Variants in RSU1 observed in about 807,000 individuals in gnomAD.
The protein encoded by RSU1 is rsu-1.
A neutral mutation model predicts 31.1 loss-of-function variants in RSU1; 26 were observed. The ratio of observed to expected loss-of-function variants is 0.84; its 90% CI spans 0.61 to 1.16. The LOEUF is 1.16. RSU1 is among the 50% of genes most tolerant of loss of function. RSU1 has a pLI of 0.00. For synonymous variants in RSU1, 164 were observed against 136.3 expected, an observed-to-expected ratio of 1.20 and a Z score of -1.41; for missense variants, 320 against 339.1, an observed-to-expected ratio of 0.94 and a Z score of 0.44.
At chr10:16,697,041 C>T (rs1021792535) in intron 7 of RSU1, among the ~76,000 whole-genome samples, 1 of 151,720 alleles carries the variant, frequency 6.6e-6, no homozygotes, top group African/African-American at 2.4e-5. Context: ...ATATACATTC[C>T]TGGAAAGAAG....
rs370761048 is a variant in RSU1, at chr10:16,764,494, G to A, written c.177C>T (p.Ile59=). The A allele has an allele frequency of 4.3e-6, 7 of 1,613,562 alleles. No individual in the cohort carries two copies. Among genetic ancestry groups the A allele is most frequent in the African/African-American group, 1.3e-5 (1 of 75,002 alleles). Residue 59 remains isoleucine (I), a synonymous_variant, in exon 4 of 9, where the codon ATC becomes ATT. Coordinates refer to ENST00000345264, the MANE Select transcript of RSU1 (RefSeq NM_012425.4). The part of the protein sequence containing the change: ...HNKLTMVPPN[I]AELKNLEVLN... The stretch of plus-strand genomic sequence containing the variant: ...GCACCTCCAAATTCTTCAGTTCTGC[G>A]ATGTTCGGTGGCACCACTATGGAAA...
At chr10:16,681,204 T>G (rs952721357) in intron 8 of RSU1, among the ~76,000 whole-genome samples, 1 of 152,212 alleles carries the variant, frequency 6.6e-6, no homozygotes, top group Non-Finnish European at 1.5e-5. Flanking sequence ...CCATCTTAAA[T>G]GATCCTTTAC....
chr10:16,642,789 A>C (rs546328739), intron 8 of RSU1, among the ~76,000 whole-genome samples: 2 of 152,338 alleles, frequency 1.3e-5, no homozygotes, highest in African/African-American at 4.8e-5. Flanking sequence ...GAATTTATGC[A>C]TACTTCTTCG....
At chr10:16,755,752 C>T (rs1837072031) in intron 4 of RSU1, among the ~76,000 whole-genome samples, 2 of 152,158 alleles carry the variant, frequency 1.3e-5, no homozygotes, top group South Asian at 2.1e-4. Context: ...TCTGCAATTC[C>T]CCTCTCCCTC....
At chr10:16,677,009 C>G (rs532008070) in intron 8 of RSU1, among the ~76,000 whole-genome samples, 1 of 152,074 alleles carries the variant, frequency 6.6e-6, no homozygotes, top group Non-Finnish European at 1.5e-5. Context: ...GCCTGCAACC[C>G]TAGTATGAGG....
At position 16,785,427 on chromosome 10, in the gene RSU1, C is replaced by CAT. The variant is rs371719149; in HGVS notation, c.110-3345_110-3344dup. Among the ~76,000 whole-genome samples the CAT allele has an allele frequency of 1.1e-3, 97 of 90,516 alleles. 3 individuals carry two copies. The highest frequency in any genetic ancestry group is 0.01 in the Middle Eastern group (2 of 194). 59.4% of individuals were successfully genotyped at this position (90,516 alleles called of 152,430 possible). ...CTTTCTATATATATATACATATATA[C>CAT]ATATATATATATACACATATATACA... On this transcript the variant is annotated intron_variant, in intron 2 of 8. Coordinates refer to ENST00000345264, the MANE Select transcript of RSU1 (RefSeq NM_012425.4).
At chr10:16,681,514 G>T (rs770574222) in intron 8 of RSU1, among the ~76,000 whole-genome samples, 16 of 152,030 alleles carry the variant, frequency 1.1e-4, no homozygotes, top group Non-Finnish European at 5.9e-5. Flanking sequence ...TAAAAAAATC[G>T]ATAAAGCAAA....
intron 7 of RSU1, among the ~76,000 whole-genome samples, chr10:16,706,563 A>G (rs891763804): frequency 6.6e-5 from 10 of 152,182 alleles, no homozygotes; most frequent in Non-Finnish European, 1.2e-4. Flanking sequence ...GTCTTTTTAG[A>G]AAAAATAATT....
Position 16,685,150 on chromosome 10 carries a change from C to T in RSU1, c.731+9873G>A, listed in dbSNP as rs193173293. 2.5e-3 allele frequency among the ~76,000 whole-genome samples: 380 copies of T among 152,114 alleles called. 1 individual carries two copies. Among genetic ancestry groups the T allele is most frequent in the Non-Finnish European group, 4.7e-3 (322 of 67,998 alleles). ...CTGTAACCCCAGGTACTCGGGAGAC[C>T]GAGGCAAGAGAATCGCTTGAACCTG... On this transcript the variant is annotated intron_variant, in intron 8 of 8. Coordinates refer to ENST00000345264, the MANE Select transcript of RSU1 (RefSeq NM_012425.4).
intron 7 of RSU1, among the ~76,000 whole-genome samples, chr10:16,708,311 A>G (rs995505558): frequency 1.1e-4 from 16 of 152,126 alleles, no homozygotes; most frequent in Admixed American, 6.6e-4. Context: ...GAGTAAATAT[A>G]TTTATTATTT....
chr10:16,804,573 T>C (rs906751658), intron 2 of RSU1, among the ~76,000 whole-genome samples: 3 of 152,180 alleles, frequency 2.0e-5, no homozygotes, highest in African/African-American at 4.8e-5. Context: ...CAAAATATCA[T>C]CCAATAGGTG....
Position 16,675,067 on chromosome 10 carries a change from C to A in RSU1, c.731+19956G>T, listed in dbSNP as rs549417051. Among the ~76,000 whole-genome samples, 39 of 151,296 alleles carry A rather than the reference C, an allele frequency of 2.6e-4. 1 individual carries two copies. The highest frequency in any genetic ancestry group is 5.0e-4 in the Non-Finnish European group (34 of 67,788). ...TAAATAAAAATAAAAATTAGCTAGG[C>A]ATGGTGGTACATACTGTAACCCCAG... On this transcript the variant is annotated intron_variant, in intron 8 of 8. Transcript: ENST00000345264.
intron 3 of RSU1, among the ~76,000 whole-genome samples, chr10:16,781,061 A>C (rs1157169334): frequency 1.3e-5 from 2 of 152,212 alleles, no homozygotes; most frequent in Middle Eastern, 3.2e-3. Flanking sequence ...ACATAAATTC[A>C]TGACACAAAT....
intron 3 of RSU1, among the ~76,000 whole-genome samples, chr10:16,779,976 T>C (rs1290880682): frequency 6.6e-6 from 1 of 152,018 alleles, no homozygotes; most frequent in Non-Finnish European, 1.5e-5. Context: ...AGGTCAAGAG[T>C]GTCTCAAATG....
chr10:16,601,992 A>T (rs1237278278), intron 8 of RSU1, among the ~76,000 whole-genome samples: 5 of 151,972 alleles, frequency 3.3e-5, no homozygotes, highest in Non-Finnish European at 7.4e-5. Flanking sequence ...AAAATGGCTC[A>T]CTCAATCTGA....
chr10:16,660,615 G>T (rs1834869771), intron 8 of RSU1, among the ~76,000 whole-genome samples: 1 of 136,406 alleles, frequency 7.3e-6, no homozygotes. Flanking sequence ...TCTTTTTCAT[G>T]AGTTTCCAGT....
chr10:16,595,620 C>T (rs1300405896), intron 8 of RSU1, among the ~76,000 whole-genome samples: 1 of 152,152 alleles, frequency 6.6e-6, no homozygotes, highest in Admixed American at 6.5e-5. Flanking sequence ...AGTTTGGAGG[C>T]CTTTTTGCTT....
At chr10:16,645,182 T>C (rs1834514406) in intron 8 of RSU1, among the ~76,000 whole-genome samples, 1 of 152,226 alleles carries the variant, frequency 6.6e-6, no homozygotes, top group Non-Finnish European at 1.5e-5. Context: ...TTCGTAAACA[T>C]AAATAAGGAT....
intron 2 of RSU1, among the ~76,000 whole-genome samples, chr10:16,807,120 T>C (rs537278564): frequency 8.5e-5 from 13 of 152,322 alleles, no homozygotes; most frequent in South Asian, 2.1e-4. Context: ...CCAAGTTACA[T>C]AGACCACCAT....
Sources: allele counts gnomAD v4.1 joint callset (sites outside exome capture counted in the v4.1 genomes callset), GRCh38; gene constraint gnomAD v4.1.1; transcripts MANE v1.5; gene names NCBI Gene and HGNC (gene_info 2026-07-23, HGNC 2026-07-21).